The following DDX18 variants were observed in gnomAD, a reference collection of about 807,000 sequenced individuals.
The protein encoded by DDX18 is DEAD-box helicase 18, also known as ATP-dependent RNA helicase DDX18.
DDX18 carries 23 observed loss-of-function variants against 73.5 expected under a neutral mutation model. That is an observed-to-expected ratio of 0.31 (90% CI 0.23 to 0.44). The LOEUF (loss-of-function observed/expected upper bound fraction) is 0.44, where lower values mean the gene tolerates loss of function less well. Among genes scored for constraint, DDX18 ranks in the 20% least tolerant of loss-of-function variants. DDX18 has a pLI of 1.00. For missense variants in DDX18, 753 were observed against 792.9 expected (o/e 0.95, Z 0.60); for synonymous variants, 268 against 282.7 (o/e 0.95, Z 0.52).
At chr2:117,824,530 C>CTTT in intron 7 of DDX18, 39 bp from the exon 8 acceptor site, 2 of 1,341,068 alleles carry the variant, frequency 1.5e-6, no homozygotes, top group Middle Eastern at 2.9e-4. Context: ...TAAAGATTCC[C>CTTT]TAAAAGATTG....
Position 117,822,194 on chromosome 2 carries a change from T to G in DDX18, c.999T>G (p.Asp333Glu). Reference protein sequence around the residue: ...MYKNLQCLVIDEADRILDVGF... With the variant: ...MYKNLQCLVIEEADRILDVGF... Reference sequence around the variant, plus strand: ...AAAACCTGCAGTGTCTGGTTATTGATGAAGCTGATCGTATCTTGGATGTGG... The same window carrying G: ...AAAACCTGCAGTGTCTGGTTATTGAGGAAGCTGATCGTATCTTGGATGTGG... The change falls in exon 7 of 14, where the codon GAT becomes GAG. Residue 333 changes from aspartate (D) to glutamate (E), a missense_variant. Transcript: ENST00000263239. 1 of 1,613,992 alleles carries G rather than the reference T, an allele frequency of 6.2e-7. No individual in the cohort carries two copies. Among genetic ancestry groups the G allele is most frequent in the Non-Finnish European group, 8.5e-7 (1 of 1,179,870 alleles).
At chr2:117,823,255 A>T (rs1306619161) in intron 7 of DDX18, among the ~76,000 whole-genome samples, 2 of 152,174 alleles carry the variant, frequency 1.3e-5, no homozygotes, top group African/African-American at 4.8e-5. Context: ...ATTTTATTGA[A>T]TAGAGATTAT....
chr2:117,825,646 G>C, intron 10 of DDX18, 47 bp downstream of exon 10: 3 of 1,597,288 alleles, frequency 1.9e-6, no homozygotes, highest in Non-Finnish European at 2.6e-6. Context: ...TGCATTAAAA[G>C]TTCACTTATT....
At chr2:117,823,794 A>G (rs999641040) in intron 7 of DDX18, among the ~76,000 whole-genome samples, 1 of 152,202 alleles carries the variant, frequency 6.6e-6, no homozygotes, top group African/African-American at 2.4e-5. Flanking sequence ...CAGGTTTTAT[A>G]TAGATGCCTT....
chr2:117,828,818 C>G, intron 11 of DDX18, 131 bp from the exon 12 acceptor site: 1 of 655,016 alleles, frequency 1.5e-6, no homozygotes, highest in Non-Finnish European at 2.7e-6. Flanking sequence ...CATTGGGAGA[C>G]TAGAAAAAGC....
chr2:117,825,388 T>A, intron 9 of DDX18, 59 bp from the exon 10 acceptor site: 2 of 1,570,940 alleles, frequency 1.3e-6, no homozygotes, highest in African/African-American at 1.4e-5. Flanking sequence ...AATTTGGGGG[T>A]TCTACTGCTA....
At position 117,825,518 on chromosome 2, in the gene DDX18, G is replaced by T; in HGVS notation, c.1440G>T (p.Leu480Phe). The T allele has an allele frequency of 6.2e-7, 1 of 1,614,140 alleles. No individual in the cohort carries two copies. Among genetic ancestry groups the T allele is most frequent in the Non-Finnish European group, 8.5e-7 (1 of 1,180,016 alleles). Residue 480 changes from leucine (L) to phenylalanine (F), a missense_variant, in exon 10 of 14, where the codon TTG (leucine) becomes TTT (phenylalanine). This residue lies in a region of DDX18 where 402 missense variants were observed against 419.4 expected (regional missense o/e 0.96). Transcript: ENST00000263239. ...GCAATGCAGATTCGGGAACACTATT[G>T]TGTACGGATGTGGCAGCGAGAGGAC... ...QFCNADSGTLLCTDVAARGLD... is the reference protein window; with the variant it reads ...QFCNADSGTLFCTDVAARGLD...
chr2:117,830,440 T>C (rs916813485), intron 13 of DDX18, 142 bp from the exon 14 acceptor site: 3 of 1,028,184 alleles, frequency 2.9e-6, no homozygotes, highest in Non-Finnish European at 4.1e-6. Flanking sequence ...ATTTATTGCA[T>C]AGGCTTATGT....
At position 117,814,736 on chromosome 2, in the gene DDX18, C is replaced by G. The variant is rs763375343; in HGVS notation, c.-42C>G. 1.2e-6 allele frequency: 2 copies of G among 1,601,488 alleles called. No individual in the cohort carries two copies. Among genetic ancestry groups the G allele is most frequent in the South Asian group, 1.1e-5 (1 of 90,748 alleles). On this transcript the variant is annotated 5_prime_UTR_variant, in exon 1 of 14. Coordinates refer to ENST00000263239, the MANE Select transcript of DDX18 (RefSeq NM_006773.4). ...TAACGTCAGCCTGAGAACTGAGTAG[C>G]TGTACTGTGTGGCGCCTTATTCTAG...
intron 13 of DDX18, among the ~76,000 whole-genome samples, chr2:117,829,996 G>A (rs1679994387): frequency 6.6e-6 from 1 of 152,208 alleles, no homozygotes; most frequent in African/African-American, 2.4e-5. Flanking sequence ...AGTTGCTTCA[G>A]TTGTGATTTA....
At chr2:117,815,447 C>T (rs1294633726) in intron 1 of DDX18, among the ~76,000 whole-genome samples, 1 of 152,196 alleles carries the variant, frequency 6.6e-6, no homozygotes, top group Non-Finnish European at 1.5e-5. Flanking sequence ...TGTCACCTTT[C>T]TTACCTACCT....
Position 117,831,079 on chromosome 2 carries a change from C to T in DDX18, c.*355C>T, listed in dbSNP as rs1680016773. The stretch of plus-strand genomic sequence containing the variant: ...TCTTGTTTTGCGAAGATTTTTGTGG[C>T]ATGGATTGCTGTGCTCACTGCTGTA... On this transcript the variant is annotated 3_prime_UTR_variant, in exon 14 of 14. Transcript: ENST00000263239. 3 of 222,204 alleles carry T rather than the reference C, an allele frequency of 1.4e-5. No individual in the cohort carries two copies. The highest frequency in any genetic ancestry group is 2.6e-5 in the Non-Finnish European group (3 of 114,516). The allele number at this position is 222,204 out of a possible 1,614,324, so 13.8% of individuals were successfully genotyped here.
At chr2:117,824,748 T>G (rs762135940) in intron 8 of DDX18, 40 bp downstream of exon 8, 4 of 1,475,006 alleles carry the variant, frequency 2.7e-6, no homozygotes, top group Non-Finnish European at 2.7e-6. Flanking sequence ...GGGATCTTAC[T>G]TGGTGTTTTT....
rs1369092353 is a variant in DDX18 at position 117,832,115 on chromosome 2, T to C, written c.*1391T>C. 2 of 152,254 alleles carry C rather than the reference T, an allele frequency of 1.3e-5. No homozygotes were observed. Among genetic ancestry groups the C allele is most frequent in the East Asian group, 3.8e-4 (2 of 5,204 alleles). 9.4% of individuals were successfully genotyped at this position (152,254 alleles called of 1,614,324 possible). A position where few individuals can be genotyped will look rare whatever the true frequency, so the allele number is the denominator to read the frequency against. ...TCTTGGGTTCCTAATTCCTGGTGTTTAATAATTCTCTCCACGATCATGTTT... is the reference window on the plus strand; with the variant it reads ...TCTTGGGTTCCTAATTCCTGGTGTTCAATAATTCTCTCCACGATCATGTTT... On this transcript the variant is annotated 3_prime_UTR_variant, in exon 14 of 14. Transcript: ENST00000263239.
At chr2:117,826,686 G>C (rs1679933162) in intron 11 of DDX18, 1 of 334,750 alleles carries the variant, frequency 3.0e-6, no homozygotes, top group African/African-American at 2.1e-5. Flanking sequence ...CTCACACCTA[G>C]TCATCTCTGC....
At chr2:117,824,876 C>G in intron 8 of DDX18, 64 bp from the exon 9 acceptor site, 2 of 1,530,952 alleles carry the variant, frequency 1.3e-6, no homozygotes, top group East Asian at 4.5e-5. Flanking sequence ...TGAAATTACA[C>G]AAGTTAGGAA....
intron 9 of DDX18, 146 bp downstream of exon 9, chr2:117,825,247 C>T: frequency 1.6e-6 from 2 of 1,246,358 alleles, no homozygotes; most frequent in African/African-American, 1.5e-5. Context: ...TGGGGGAGCG[C>T]TGCTGGGTGT....
chr2:117,815,687 G>A (rs1679744920), intron 1 of DDX18: 1 of 152,182 alleles, frequency 6.6e-6, no homozygotes, highest in Non-Finnish European at 1.5e-5. Flanking sequence ...AATTCCTATA[G>A]AATAATACTA....
rs1679911901 is a variant in DDX18, at chr2:117,825,527, T to A, written c.1449T>A (p.Asp483Glu). The A allele has an allele frequency of 6.2e-7, 1 of 1,614,086 alleles. No homozygotes were observed. Residue 483 changes from aspartate (D) to glutamate (E), a missense_variant, in exon 10 of 14, where the codon GAT (aspartate) becomes GAA (glutamate). Physicochemically the swap from Asp to Glu is conservative, Grantham distance 45. Transcript: ENST00000263239. ...NADSGTLLCT[D>E]VAARGLDIPE... Reference sequence around the variant, plus strand: ...ATTCGGGAACACTATTGTGTACGGATGTGGCAGCGAGAGGACTAGACATTC... The same window carrying A: ...ATTCGGGAACACTATTGTGTACGGAAGTGGCAGCGAGAGGACTAGACATTC...
Sources: gnomAD v4.1 joint callset for allele counts (sites outside exome capture counted in the v4.1 genomes callset) on GRCh38, gnomAD v4.1.1 for gene constraint, gnomAD v4.1.1 regional missense constraint, MANE v1.5 for transcripts, NCBI Gene and HGNC (gene_info 2026-07-23, HGNC 2026-07-21) for gene names.